Variants in SPATA31H1 observed in about 807,000 individuals in gnomAD.
SPATA31H1 encodes spermatogenesis-associated protein 31H1.
chr2:27,578,591 T>C, the SPATA31H1 span: 2 of 1,613,910 alleles, frequency 1.2e-6, no homozygotes, highest in Admixed American at 1.7e-5. Flanking sequence ...TTGAGGAACA[T>C]ACAATATTGA....
the SPATA31H1 span, chr2:27,579,417 A>C: frequency 1.2e-6 from 2 of 1,614,240 alleles, no homozygotes; most frequent in Non-Finnish European, 1.7e-6. Context: ...GGGTCCAGTT[A>C]CTATTTCTCA....
chr2:27,558,924 GGAGGGAGAGGGAGAGGGA>G, the SPATA31H1 span, among the ~76,000 whole-genome samples: 60 of 87,740 alleles, frequency 6.8e-4, 2 homozygotes, highest in Admixed American at 5.3e-3. Flanking sequence ...AGAGGGAGGG[GGAGGGAGAGGGAGAGGGA>G]GAGGGAGAGG....
At chr2:27,575,552 C>G in the SPATA31H1 span, 1 of 398,238 alleles carries the variant, frequency 2.5e-6, no homozygotes, top group African/African-American at 2.1e-5. The surrounding 1 kb of genome is among the most constrained non-coding windows in gnomAD (Gnocchi z 4.1). Flanking sequence ...CAAAATCTGC[C>G]AAGTTGAATC....
chr2:27,574,632 G>A, the SPATA31H1 span: 46 of 398,450 alleles, frequency 1.2e-4, no homozygotes, highest in South Asian at 8.9e-4. Flanking sequence ...GACACAAAGC[G>A]AAAAATCTTC....
the SPATA31H1 span, among the ~76,000 whole-genome samples, chr2:27,561,792 G>A: frequency 6.6e-6 from 1 of 151,972 alleles, no homozygotes; most frequent in African/African-American, 2.4e-5. Context: ...ACCACCTCCC[G>A]GGCTCAAGTG....
the SPATA31H1 span, chr2:27,573,619 T>C: frequency 1.0e-5 from 4 of 398,354 alleles, no homozygotes; most frequent in Non-Finnish European, 1.8e-5. Flanking sequence ...ACATCAAAGC[T>C]CTGTGATATA....
the SPATA31H1 span, among the ~76,000 whole-genome samples, chr2:27,553,488 AT>A: frequency 6.6e-6 from 1 of 152,036 alleles, no homozygotes. Flanking sequence ...ACACTTTCTC[AT>A]TTTTTGCAAA....
chr2:27,578,943 AC>A, the SPATA31H1 span: 1 of 1,614,024 alleles, frequency 6.2e-7, no homozygotes, highest in Non-Finnish European at 8.5e-7. Context: ...ACAATCTTTA[AC>A]TTTTCCTTTG....
At chr2:27,580,140 C>T in the SPATA31H1 span, 97 of 1,614,030 alleles carry the variant, frequency 6.0e-5, 1 homozygote, top group South Asian at 1.6e-4. Flanking sequence ...ACCCGTCATA[C>T]GGAGAAGCCC....
the SPATA31H1 span, chr2:27,537,390 C>A: frequency 2.8e-6 from 2 of 711,808 alleles, no homozygotes; most frequent in Non-Finnish European, 5.2e-6. Flanking sequence ...AGCCTTGAGG[C>A]AGAAAACTCT....
the SPATA31H1 span, chr2:27,581,136 G>C: frequency 6.2e-7 from 1 of 1,614,208 alleles, no homozygotes; most frequent in Non-Finnish European, 8.5e-7. Flanking sequence ...TGGTTCCCCT[G>C]TGAAGAGAAC....
chr2:27,569,733 C>A, the SPATA31H1 span: 1 of 398,690 alleles, frequency 2.5e-6, no homozygotes, highest in East Asian at 3.6e-5. Flanking sequence ...ACAAAGTATG[C>A]CATTGGAGGA....
chr2:27,568,347 A>G, the SPATA31H1 span: 73 of 398,918 alleles, frequency 1.8e-4, no homozygotes, highest in Admixed American at 9.2e-4. Flanking sequence ...ATCTGCGGGC[A>G]TGACCTCAGG....
the SPATA31H1 span, chr2:27,582,151 G>A: frequency 1.9e-6 from 3 of 1,614,056 alleles, no homozygotes; most frequent in South Asian, 2.2e-5. Context: ...TTGGAAAGAA[G>A]CCGTTGCAGT....
At chr2:27,542,082 T>A in the SPATA31H1 span, among the ~76,000 whole-genome samples, 2 of 152,000 alleles carry the variant, frequency 1.3e-5, no homozygotes. Flanking sequence ...CTTAAGTTAA[T>A]TAAAATTAAA....
At chr2:27,572,846 G>C in the SPATA31H1 span, 1 of 397,894 alleles carries the variant, frequency 2.5e-6, no homozygotes, top group Non-Finnish European at 4.4e-6. Flanking sequence ...CATCTATGGA[G>C]TTTAACCTTG....
the SPATA31H1 span, chr2:27,577,823 A>G: frequency 6.2e-7 from 1 of 1,614,154 alleles, no homozygotes; most frequent in Non-Finnish European, 8.5e-7. This position sits in a 1 kb window ranked among gnomAD's most constrained non-coding sequence, Gnocchi z 4.5. Flanking sequence ...AGGAATCTTT[A>G]GAGGTGCCCC....
chr2:27,560,249 T>G, the SPATA31H1 span, among the ~76,000 whole-genome samples: 1 of 152,202 alleles, frequency 6.6e-6, no homozygotes, highest in African/African-American at 2.4e-5. Flanking sequence ...TGCAGGTTTG[T>G]TTCTGCACTT....
chr2:27,579,986 C>A, the SPATA31H1 span: 1 of 1,614,134 alleles, frequency 6.2e-7, no homozygotes, highest in Non-Finnish European at 8.5e-7. Flanking sequence ...AATTACAGAC[C>A]ACTTCGGGGC....
Sources: gnomAD v4.1 joint callset for allele counts (sites outside exome capture counted in the v4.1 genomes callset) on GRCh38, gnomAD v4.1.1 for gene constraint, Gnocchi (gnomAD v3.1) non-coding constraint, MANE v1.5 for transcripts, NCBI Gene and HGNC (gene_info 2026-07-23, HGNC 2026-07-21) for gene names.